Variants in SYNJ2 observed in about 807,000 individuals in gnomAD.
SYNJ2 encodes the protein polyphosphatidylinositol phosphatase SYNJ2.
SYNJ2 carries 116 observed loss-of-function variants against 141.3 expected under a neutral mutation model. The observed-to-expected ratio is 0.82, with a 90% CI of 0.71 to 0.96. The LOEUF (loss-of-function observed/expected upper bound fraction) is 0.96, where lower values mean the gene tolerates loss of function less well. SYNJ2 is among the 40% of genes least tolerant of loss of function. The probability of loss-of-function intolerance (pLI) is 0.00; values close to 1 mark genes in which losing one functional copy is unlikely to be tolerated. For missense variants in SYNJ2, 1,873 were observed against 1,934.8 expected (o/e 0.97, Z 0.60); for synonymous variants, 745 against 777.7 (o/e 0.96, Z 0.70).
chr6:158,060,309 T>A (rs1781137144), intron 7 of SYNJ2, among the ~76,000 whole-genome samples: 1 of 152,008 alleles, frequency 6.6e-6, no homozygotes, highest in Admixed American at 6.5e-5. Flanking sequence ...CTGGCCAGGT[T>A]CCATCCCTGT....
intron 4 of SYNJ2, among the ~76,000 whole-genome samples, chr6:158,041,333 G>A (rs910345907): frequency 2.0e-5 from 3 of 152,220 alleles, no homozygotes; most frequent in Admixed American, 6.5e-5. Flanking sequence ...TGTGAGGTGA[G>A]ACATCACTTC....
intron 2 of SYNJ2, among the ~76,000 whole-genome samples, chr6:158,022,022 T>C (rs1778801379): frequency 6.6e-6 from 1 of 152,166 alleles, no homozygotes; most frequent in Non-Finnish European, 1.5e-5. Flanking sequence ...CGCCGCTGCC[T>C]ACACCTCCCT....
chr6:158,068,260 C>A (rs919444479), intron 12 of SYNJ2, among the ~76,000 whole-genome samples: 2 of 152,130 alleles, frequency 1.3e-5, no homozygotes, highest in Non-Finnish European at 2.9e-5. Context: ...AGGCCATGTC[C>A]TCCTAGCTGG....
At chr6:158,086,659 T>C (rs144486000) in intron 22 of SYNJ2, among the ~76,000 whole-genome samples, 196 bp from the exon 23 acceptor site, 1 of 152,204 alleles carries the variant, frequency 6.6e-6, no homozygotes, top group Non-Finnish European at 1.5e-5. Flanking sequence ...GTTCACTGAA[T>C]GTTCCAAGCA....
chr6:158,050,491 C>A (rs1049717728), intron 5 of SYNJ2, among the ~76,000 whole-genome samples: 1 of 152,240 alleles, frequency 6.6e-6, no homozygotes, highest in African/African-American at 2.4e-5. Flanking sequence ...AGCAGTGATA[C>A]TGGACTAGCC....
chr6:157,981,920 A>T lies in SYNJ2; in HGVS notation c.-42A>T, dbSNP rs1243718743. ...CTGTCGCGGGCAGCGCGCCCTCGGGAGGACGTGGCCCCGGCCCCCGCCCGC... is the reference window on the plus strand; with the variant it reads ...CTGTCGCGGGCAGCGCGCCCTCGGGTGGACGTGGCCCCGGCCCCCGCCCGC... On this transcript the variant is annotated 5_prime_UTR_variant, in exon 1 of 27. Transcript: ENST00000355585. This position sits in a 1 kb window ranked among gnomAD's most constrained non-coding sequence, Gnocchi z 6.4. 1.6e-6 allele frequency: 2 copies of T among 1,221,512 alleles called. No individual in the cohort carries two copies. The highest frequency in any genetic ancestry group is 3.1e-5 in the African/African-American group (2 of 63,842). 75.7% of individuals were successfully genotyped at this position (1,221,512 alleles called of 1,614,324 possible).
In SYNJ2 at chr6:157,998,546, GC is replaced by G. The variant is rs1197205700; in HGVS notation, c.127+16460del. On this transcript the variant is annotated intron_variant, in intron 1 of 26. Transcript: ENST00000355585. ...CAGAAGGGAAGAAAGATTTTGCTAA[GC>G]CTGTGACCAAAACTATCCATATGGA... Among the ~76,000 whole-genome samples the G allele has an allele frequency of 3.9e-5, 6 of 152,272 alleles. No individual in the cohort carries two copies. The East Asian group carries it at 1.2e-3, about 29-fold the overall frequency.
At chr6:158,028,625 A>G (rs1779187574) in intron 2 of SYNJ2, 131 bp from the exon 3 acceptor site, 1 of 1,224,386 alleles carries the variant, frequency 8.2e-7, no homozygotes. Context: ...GGGCAATGCC[A>G]TGGGAAGTTG....
At chr6:158,036,947 TGGATTTCAACCAGAA>T (rs1453557611) in intron 4 of SYNJ2, among the ~76,000 whole-genome samples, 2 of 152,314 alleles carry the variant, frequency 1.3e-5, no homozygotes, top group East Asian at 1.9e-4. Context: ...ATACTGGTTT[TGGATTTCAACCAGAA>T]TTTTAAGACT....
At position 158,027,101 on chromosome 6, in the gene SYNJ2, AC is replaced by A; in HGVS notation, c.215-1654del. On this transcript the variant is annotated intron_variant, in intron 2 of 26. Transcript: ENST00000355585. This position sits in a 1 kb window ranked among gnomAD's most constrained non-coding sequence, Gnocchi z 4.6. ...GGAGCCCTGAGCGCTCATTAAAGGA[AC>A]GCACTTTAATGACAGCCACACGCCA... is the stretch of plus-strand genomic sequence containing the variant. 1 of 985,346 alleles carries A rather than the reference AC, an allele frequency of 1.0e-6. No individual in the cohort carries two copies. The highest frequency in any genetic ancestry group is 1.2e-6 in the Non-Finnish European group (1 of 829,914). The allele number at this position is 985,346 out of a possible 1,614,324, so 61.0% of individuals were successfully genotyped here. A position where few individuals can be genotyped will look rare whatever the true frequency, so the allele number is the denominator to read the frequency against.
At chr6:158,090,515 T>A (rs965708241) in intron 25 of SYNJ2, among the ~76,000 whole-genome samples, 11 of 151,112 alleles carry the variant, frequency 7.3e-5, no homozygotes, top group Non-Finnish European at 1.5e-4. Flanking sequence ...GAGAGGAGAG[T>A]GTGCCCTTTT....
intron 1 of SYNJ2, among the ~76,000 whole-genome samples, chr6:158,002,612 A>G (rs1158450487): frequency 6.6e-6 from 1 of 152,096 alleles, no homozygotes; most frequent in East Asian, 1.9e-4. Flanking sequence ...TGGAAGCCCC[A>G]CTCCAGGACT....
intron 9 of SYNJ2, 137 bp from the exon 10 acceptor site, chr6:158,064,464 C>T (rs1210457379): frequency 1.8e-6 from 2 of 1,095,460 alleles, no homozygotes; most frequent in East Asian, 4.8e-5. Flanking sequence ...TGTGGGAACT[C>T]CTCATCCTCT....
At chr6:157,995,450 C>G (rs982845588) in intron 1 of SYNJ2, among the ~76,000 whole-genome samples, 1 of 152,248 alleles carries the variant, frequency 6.6e-6, no homozygotes, top group Admixed American at 6.5e-5. Flanking sequence ...TAGGGCAGCT[C>G]TCTGTCTTGT....
chr6:158,081,643 A>C (rs1782699005), intron 20 of SYNJ2, 133 bp downstream of exon 20: 1 of 618,078 alleles, frequency 1.6e-6, no homozygotes, highest in Non-Finnish European at 2.6e-6. Context: ...TTTCTCTGAG[A>C]CAAAGTCTTG....
intron 11 of SYNJ2, among the ~76,000 whole-genome samples, chr6:158,065,971 A>G (rs1781538165): frequency 6.6e-6 from 1 of 152,234 alleles, no homozygotes; most frequent in South Asian, 2.1e-4. Flanking sequence ...TCAGACATGC[A>G]GGCTGGAAGG....
At chr6:158,072,041 A>G (rs1487180311) in intron 15 of SYNJ2, among the ~76,000 whole-genome samples, 1 of 152,200 alleles carries the variant, frequency 6.6e-6, no homozygotes, top group Admixed American at 6.5e-5. Context: ...GAGTGTCTGC[A>G]TGGCCACTGG....
intron 1 of SYNJ2, among the ~76,000 whole-genome samples, chr6:157,990,140 C>T (rs1777365883): frequency 6.6e-6 from 1 of 152,246 alleles, no homozygotes; most frequent in Admixed American, 6.5e-5. Flanking sequence ...AGCGGATTCA[C>T]TGGGAGCCTG....
At chr6:158,036,114 C>G (rs1779622712) in intron 4 of SYNJ2, among the ~76,000 whole-genome samples, 1 of 152,144 alleles carries the variant, frequency 6.6e-6, no homozygotes, top group Non-Finnish European at 1.5e-5. Context: ...ATGAGCTACC[C>G]CCTCACACAA....
Sources: allele counts gnomAD v4.1 joint callset (sites outside exome capture counted in the v4.1 genomes callset), GRCh38; gene constraint gnomAD v4.1.1; non-coding constraint Gnocchi (gnomAD v3.1); transcripts MANE v1.5; gene names NCBI Gene and HGNC (gene_info 2026-07-23, HGNC 2026-07-21).